HMGXB4: variants seen among roughly 807,000 people sequenced by gnomAD.
HMGXB4 encodes HMG domain-containing protein 4.
In HMGXB4, 27 loss-of-function variants were observed where a neutral mutation model predicts 63.9. The observed-to-expected ratio is 0.42, with a 90% CI of 0.31 to 0.58. The LOEUF (loss-of-function observed/expected upper bound fraction) is 0.58, where lower values mean the gene tolerates loss of function less well. HMGXB4 is among the 20% of genes least tolerant of loss of function. The probability of loss-of-function intolerance (pLI) is 0.13; values close to 1 mark genes in which losing one functional copy is unlikely to be tolerated. For missense variants in HMGXB4, 624 were observed against 700.7 expected (o/e 0.89, Z 1.24); for synonymous variants, 264 against 265.3 (o/e 0.99, Z 0.05).
intron 3 of HMGXB4, among the ~76,000 whole-genome samples, chr22:35,263,450 A>G (rs1029303910): frequency 3.3e-5 from 5 of 151,940 alleles, no homozygotes; most frequent in East Asian, 1.9e-4. Context: ...CGCCTGGCCA[A>G]TTTTTGTATT....
Position 35,263,229 on chromosome 22 carries a change from A to T in HMGXB4, c.180+3A>T. 1.9e-6 allele frequency: 3 copies of T among 1,599,842 alleles called. No homozygotes were observed. Among genetic ancestry groups the T allele is most frequent in the Non-Finnish European group, 2.6e-6 (3 of 1,174,996 alleles). On this transcript the variant is annotated splice_donor_region_variant and intron_variant, in intron 3 of 10. Transcript: ENST00000216106. ...ATTCTTCCAAGAAGAAGTTGAAGGT[A>T]AGTCCTGAAAATTTAAATTAGGAAA...
At chr22:35,282,501 T>C (rs1348782810) in intron 5 of HMGXB4, among the ~76,000 whole-genome samples, 1 of 152,184 alleles carries the variant, frequency 6.6e-6, no homozygotes, top group African/African-American at 2.4e-5. Context: ...CAAAAAGGAC[T>C]AGGAGTAGAT....
At chr22:35,275,069 T>TA (rs1442269935) in intron 5 of HMGXB4, among the ~76,000 whole-genome samples, 5 of 151,548 alleles carry the variant, frequency 3.3e-5, no homozygotes, top group African/African-American at 1.2e-4. Flanking sequence ...GTAAAGGTCT[T>TA]ACAACAGTGG....
chr22:35,288,491 A>C, intron 9 of HMGXB4, 84 bp downstream of exon 9: 1 of 1,079,172 alleles, frequency 9.3e-7, no homozygotes, highest in Non-Finnish European at 1.3e-6. Context: ...TTTTACATAC[A>C]TGTATTGAGC....
At chr22:35,282,237 T>C (rs1271902393) in intron 5 of HMGXB4, among the ~76,000 whole-genome samples, 5 of 152,194 alleles carry the variant, frequency 3.3e-5, no homozygotes, top group Admixed American at 6.5e-5. Flanking sequence ...AGTGCAGTGG[T>C]GCAATCTCGG....
intron 5 of HMGXB4, 76 bp downstream of exon 5, chr22:35,265,679 T>C: frequency 6.9e-7 from 1 of 1,447,046 alleles, no homozygotes; most frequent in Non-Finnish European, 9.1e-7. Flanking sequence ...ACTTTTAAGT[T>C]AAGCAGTTGA....
chr22:35,250,377 G>A, the HMGXB4 span, among the ~76,000 whole-genome samples: 1 of 152,146 alleles, frequency 6.6e-6, no homozygotes, highest in African/African-American at 2.4e-5. Context: ...CAGAGAGCTG[G>A]AGCAAGAGAG....
intron 5 of HMGXB4, among the ~76,000 whole-genome samples, chr22:35,282,112 C>T (rs1038978309): frequency 6.6e-6 from 1 of 152,180 alleles, no homozygotes; most frequent in South Asian, 2.1e-4. Context: ...GTTTTCATCA[C>T]AAAACCTGAC....
intron 9 of HMGXB4, among the ~76,000 whole-genome samples, chr22:35,290,369 G>A (rs1457774569): frequency 6.6e-6 from 1 of 152,160 alleles, no homozygotes; most frequent in African/African-American, 2.4e-5. Flanking sequence ...GTACCAGCCA[G>A]GCGCGGTGGC....
rs749444386 is a variant in HMGXB4, at chr22:35,265,516, G to C, written c.1128G>C (p.Leu376=). The C allele has an allele frequency of 1.2e-6, 2 of 1,613,264 alleles. No homozygotes were observed. The highest frequency in any genetic ancestry group is 1.7e-6 in the Non-Finnish European group (2 of 1,179,916). ...ACGCTGGAGCAGCAGCACCTCCCCT[G>C]CCACTTCCTGGCCTCCACACAGATG... ...IPYAGAAAPP[L]PLPGLHTDGH... is the part of the protein sequence containing the mutation. Residue 376 remains leucine, a synonymous_variant, in exon 5 of 11, where the codon CTG becomes CTC. Coordinates refer to ENST00000216106, the MANE Select transcript of HMGXB4 (RefSeq NM_001003681.3).
At chr22:35,289,591 A>C (rs1924808753) in intron 9 of HMGXB4, among the ~76,000 whole-genome samples, 1 of 152,236 alleles carries the variant, frequency 6.6e-6, no homozygotes, top group Admixed American at 6.5e-5. Flanking sequence ...TTGAATATTC[A>C]ATTGTATAGG....
intron 5 of HMGXB4, among the ~76,000 whole-genome samples, chr22:35,280,620 T>C (rs1924189292): frequency 6.6e-6 from 1 of 152,242 alleles, no homozygotes; most frequent in South Asian, 2.1e-4. Flanking sequence ...AGTCCTTAAG[T>C]GTAACCCTGA....
In HMGXB4 at chr22:35,265,263, T is replaced by C. The variant is rs746983752; in HGVS notation, c.875T>C (p.Val292Ala). ...LDLSGLEPILVESDSSSGGEL... is the reference protein window; with the variant it reads ...LDLSGLEPILAESDSSSGGEL... ...CTTTCAGGGCTTGAACCTATTCTGG[T>C]AGAATCAGACTCATCCTCTGGTGGG... The change falls in exon 5 of 11, where the codon GTA (valine) becomes GCA (alanine). Residue 292 changes from valine (V) to alanine (A), a missense_variant. Val to Ala is a moderately conservative substitution (Grantham distance 64, BLOSUM62 0). Coordinates refer to ENST00000216106, the MANE Select transcript of HMGXB4 (RefSeq NM_001003681.3). 5 of 1,614,002 alleles carry C rather than the reference T, an allele frequency of 3.1e-6. No individual in the cohort carries two copies. The highest frequency in any genetic ancestry group is 3.4e-6 in the Non-Finnish European group (4 of 1,180,012).
chr22:35,290,225 A>G (rs1416771057), intron 9 of HMGXB4, among the ~76,000 whole-genome samples: 2 of 152,188 alleles, frequency 1.3e-5, no homozygotes, highest in East Asian at 3.8e-4. Context: ...TTTCCCAGAT[A>G]TTTCCATTTA....
chr22:35,250,258 G>A, the HMGXB4 span, among the ~76,000 whole-genome samples: 2 of 152,284 alleles, frequency 1.3e-5, no homozygotes, highest in Admixed American at 6.5e-5. Context: ...AATAAGAGGG[G>A]TTTACTTGGC....
chr22:35,243,788 C>T, the HMGXB4 span, among the ~76,000 whole-genome samples: 2 of 152,292 alleles, frequency 1.3e-5, no homozygotes, highest in Non-Finnish European at 2.9e-5. Context: ...AAGTGAACCA[C>T]CCACCTTGGC....
At chr22:35,246,361 G>A in the HMGXB4 span, among the ~76,000 whole-genome samples, 33 of 151,928 alleles carry the variant, frequency 2.2e-4, no homozygotes, top group African/African-American at 7.0e-4. Context: ...TGCAAGCTCC[G>A]CCTCCCGGGT....
the HMGXB4 span, among the ~76,000 whole-genome samples, chr22:35,241,730 G>T: frequency 6.6e-6 from 1 of 152,188 alleles, no homozygotes; most frequent in African/African-American, 2.4e-5. Context: ...GGAGAGGGGG[G>T]TCTCCCTTTC....
chr22:35,249,629 A>T, the HMGXB4 span: 17 of 79,078 alleles, frequency 2.1e-4, 2 homozygotes, highest in African/African-American at 4.9e-4. Context: ...CAATTTTTTT[A>T]AAAAAAAGAA....
Sources: gnomAD v4.1 joint callset for allele counts (sites outside exome capture counted in the v4.1 genomes callset) on GRCh38, gnomAD v4.1.1 for gene constraint, MANE v1.5 for transcripts, NCBI Gene and HGNC (gene_info 2026-07-23, HGNC 2026-07-21) for gene names.